The following FAM184A variants were observed in gnomAD, a reference collection of about 807,000 sequenced individuals.
FAM184A encodes the protein protein FAM184A.
A neutral mutation model predicts 143.8 loss-of-function variants in FAM184A; 99 were observed. The observed-to-expected ratio is 0.69, with a 90% CI of 0.58 to 0.81. The LOEUF (loss-of-function observed/expected upper bound fraction) is 0.81, where lower values mean the gene tolerates loss of function less well. FAM184A is among the 40% of genes least tolerant of loss of function. The pLI is 0.00. For missense variants in FAM184A, 1,217 were observed against 1,310.5 expected, an observed-to-expected ratio of 0.93 and a Z score of 1.10; for synonymous variants, 427 against 446.4, an observed-to-expected ratio of 0.96 and a Z score of 0.55.
intron 1 of FAM184A, among the ~76,000 whole-genome samples, chr6:119,087,234 A>G (rs1788245363): frequency 6.6e-6 from 1 of 152,208 alleles, no homozygotes; most frequent in Non-Finnish European, 1.5e-5. Flanking sequence ...GAAAAAACAG[A>G]TAATTTGAAC....
chr6:118,972,358 C>T (rs928337772), intron 14 of FAM184A, among the ~76,000 whole-genome samples: 20 of 152,104 alleles, frequency 1.3e-4, no homozygotes, highest in Non-Finnish European at 2.5e-4. Context: ...AAAGCAGATA[C>T]AAAACATTTT....
chr6:119,042,636 T>C (rs1442828396), intron 1 of FAM184A, among the ~76,000 whole-genome samples: 2 of 152,202 alleles, frequency 1.3e-5, no homozygotes, highest in Non-Finnish European at 2.9e-5. Context: ...AACTATTCTA[T>C]ATAATACCAC....
chr6:119,104,063 G>T (rs1420875987), intron 1 of FAM184A, among the ~76,000 whole-genome samples: 2 of 151,790 alleles, frequency 1.3e-5, no homozygotes, highest in African/African-American at 2.4e-5. Context: ...TTGAGATAGG[G>T]TCTTGCCCTA....
At chr6:119,099,270 A>C (rs1309950522) in intron 1 of FAM184A, among the ~76,000 whole-genome samples, 2 of 152,070 alleles carry the variant, frequency 1.3e-5, no homozygotes, top group African/African-American at 4.8e-5. Context: ...TGTTTCCCTG[A>C]ATCCTCATCT....
intron 1 of FAM184A, among the ~76,000 whole-genome samples, chr6:119,025,092 C>T (rs1267587129): frequency 1.3e-5 from 2 of 152,044 alleles, no homozygotes; most frequent in East Asian, 3.9e-4. Context: ...ACAAATGAAA[C>T]AGCAAAGAGG....
chr6:119,010,035 C>A (rs965247680), intron 6 of FAM184A, among the ~76,000 whole-genome samples: 3 of 152,180 alleles, frequency 2.0e-5, no homozygotes, highest in Non-Finnish European at 4.4e-5. Flanking sequence ...ATGTGTGCCT[C>A]TAAGCAGGAA....
chr6:119,110,178 T>G (rs1788897325), intron 1 of FAM184A, among the ~76,000 whole-genome samples: 1 of 152,164 alleles, frequency 6.6e-6, no homozygotes, highest in African/African-American at 2.4e-5. Context: ...GCACCTCACC[T>G]GGGCCATCAT....
intron 1 of FAM184A, among the ~76,000 whole-genome samples, chr6:119,104,837 AG>A (rs1788737876): frequency 6.6e-6 from 1 of 152,214 alleles, no homozygotes; most frequent in Non-Finnish European, 1.5e-5. Context: ...TAGGTGATCA[AG>A]GTCAACGTCA....
chr6:119,087,925 T>C (rs1191907429), intron 1 of FAM184A, among the ~76,000 whole-genome samples: 1 of 152,216 alleles, frequency 6.6e-6, no homozygotes, highest in African/African-American at 2.4e-5. Context: ...TTAAAAAGAA[T>C]GACACATGGT....
intron 15 of FAM184A, among the ~76,000 whole-genome samples, chr6:118,965,299 C>T (rs970756770): frequency 2.0e-5 from 3 of 147,902 alleles, no homozygotes; most frequent in Middle Eastern, 3.3e-3. Flanking sequence ...CCTCTGGCTT[C>T]GGCCTCCCAA....
rs1005637668 is a variant in FAM184A, at chr6:119,024,779, T to C, written c.194A>G (p.His65Arg). The C allele has an allele frequency of 4.3e-6, 7 of 1,610,850 alleles. No individual in the cohort carries two copies. Among genetic ancestry groups the C allele is most frequent in the Admixed American group, 1.7e-5 (1 of 59,474 alleles). Residue 65 changes from histidine to arginine, a missense_variant, in exon 2 of 18, where the codon CAT becomes CGT. Coordinates refer to ENST00000338891, the MANE Select transcript of FAM184A (RefSeq NM_024581.6). ...TTTGAGGGCTTGAATTGCAGATTCA[T>C]GCTCATCATTTTTAGTGTTTAAAGC... is the stretch of plus-strand genomic sequence containing the variant. Reference protein sequence around the residue: ...IYALNTKNDEHESAIQALKDA... With the variant: ...IYALNTKNDERESAIQALKDA...
In FAM184A at chr6:119,002,065, C is replaced by T. The variant is rs143814997; in HGVS notation, c.2088+834G>A. On this transcript the variant is annotated intron_variant, in intron 9 of 17. Coordinates refer to ENST00000338891, the MANE Select transcript of FAM184A (RefSeq NM_024581.6). The stretch of plus-strand genomic sequence containing the variant: ...AGATACTAGACACAAATTGGCAGGC[C>T]CCAAGTATTCTTGAAAGACACTGCA... Among the ~76,000 whole-genome samples the T allele has an allele frequency of 1.2e-3, 183 of 152,044 alleles. 2 individuals are homozygous for T. Among genetic ancestry groups the T allele is most frequent in the Non-Finnish European group, 8.1e-4 (55 of 67,948 alleles).
intron 5 of FAM184A, 87 bp from the exon 6 acceptor site, chr6:119,011,518 T>C (rs1785089121): frequency 2.3e-6 from 2 of 876,370 alleles, no homozygotes; most frequent in Admixed American, 6.6e-5. Flanking sequence ...TTCTGTTTTG[T>C]ATTTTGAAAC....
intron 1 of FAM184A, among the ~76,000 whole-genome samples, chr6:119,106,655 CTAAT>C (rs1221916584): frequency 6.6e-6 from 1 of 152,160 alleles, no homozygotes; most frequent in African/African-American, 2.4e-5. Flanking sequence ...AGTTTTGAAA[CTAAT>C]TAACTGGAAG....
intron 7 of FAM184A, among the ~76,000 whole-genome samples, chr6:119,004,679 G>A (rs772855461): frequency 4.6e-5 from 7 of 152,206 alleles, no homozygotes; most frequent in Non-Finnish European, 7.3e-5. Context: ...AGGAGCTTAC[G>A]CAGAGTTGTG....
chr6:119,069,062 A>G, intron 1 of FAM184A: 2 of 375,886 alleles, frequency 5.3e-6, no homozygotes, highest in African/African-American at 2.2e-5. Flanking sequence ...TTAGGTTGGC[A>G]CAAAAGCAAC....
At chr6:118,973,202 C>T (rs1303225471) in intron 14 of FAM184A, among the ~76,000 whole-genome samples, 1 of 152,076 alleles carries the variant, frequency 6.6e-6, no homozygotes, top group African/African-American at 2.4e-5. Context: ...AACTGGGGAC[C>T]TGTTTTCTGC....
chr6:119,106,826 A>G (rs1470815647), intron 1 of FAM184A, among the ~76,000 whole-genome samples: 2 of 152,230 alleles, frequency 1.3e-5, no homozygotes, highest in African/African-American at 4.8e-5. Flanking sequence ...CACACTACAA[A>G]AAGTTCTTTG....
intron 1 of FAM184A, among the ~76,000 whole-genome samples, chr6:119,096,169 G>T (rs994553730): frequency 2.0e-5 from 3 of 152,092 alleles, no homozygotes; most frequent in Non-Finnish European, 4.4e-5. Flanking sequence ...CTGATAAGTG[G>T]CTTGAAAACA....
Sources: gnomAD v4.1 joint callset for allele counts (sites outside exome capture counted in the v4.1 genomes callset) on GRCh38, gnomAD v4.1.1 for gene constraint, MANE v1.5 for transcripts, NCBI Gene and HGNC (gene_info 2026-07-23, HGNC 2026-07-21) for gene names.